SMYD3: variants seen among roughly 807,000 people sequenced by gnomAD.
The protein encoded by SMYD3 is histone-lysine N-methyltransferase SMYD3.
In SMYD3, 36 loss-of-function variants were observed where a neutral mutation model predicts 57.7. That is an observed-to-expected ratio of 0.62 (90% CI 0.48 to 0.82). The LOEUF is 0.82. Among genes scored for constraint, SMYD3 ranks in the 40% least tolerant of loss-of-function variants. The pLI, the probability that SMYD3 is intolerant of heterozygous loss-of-function variation, is 0.00. For synonymous variants in SMYD3, 211 were observed against 195.0 expected (o/e 1.08, Z -0.68); for missense variants, 515 against 538.8 (o/e 0.96, Z 0.44).
intron 5 of SMYD3, among the ~76,000 whole-genome samples, chr1:246,302,120 T>C (rs185705849): frequency 1.3e-5 from 2 of 152,178 alleles, no homozygotes; most frequent in Non-Finnish European, 2.9e-5. Context: ...CAATCACCAC[T>C]AATCTTGGGG....
Position 245,927,969 on chromosome 1 carries a change from A to G in SMYD3, c.664T>C (p.Leu222=). ...TCGATGTCTCGGACTGCTCGCAGTAAGAGGTGGGGCCCATTGAACACAATC... is the reference window on the plus strand; with the variant it reads ...TCGATGTCTCGGACTGCTCGCAGTAGGAGGTGGGGCCCATTGAACACAATC... The part of the protein sequence containing the change: ...CSIVFNGPHL[L]LRAVRDIEVG... Residue 222 remains leucine, a synonymous_variant, in exon 7 of 12, where the codon TTA becomes CTA. Coordinates refer to ENST00000490107, the MANE Select transcript of SMYD3 (RefSeq NM_001167740.2). 6.2e-7 allele frequency: 1 copy of G among 1,612,950 alleles called. No individual in the cohort carries two copies. The highest frequency in any genetic ancestry group is 8.5e-7 in the Non-Finnish European group (1 of 1,179,290).
chr1:246,476,149 G>A (rs906774912), intron 1 of SMYD3, among the ~76,000 whole-genome samples: 2 of 152,174 alleles, frequency 1.3e-5, no homozygotes, highest in African/African-American at 4.8e-5. Context: ...AGTATACAGT[G>A]TACTCTATAT....
At chr1:245,947,714 T>C (rs954500772) in intron 5 of SMYD3, among the ~76,000 whole-genome samples, 5 of 152,186 alleles carry the variant, frequency 3.3e-5, no homozygotes, top group African/African-American at 1.2e-4. Context: ...ATCATAATTA[T>C]TACCATAGTT....
intron 10 of SMYD3, among the ~76,000 whole-genome samples, chr1:245,821,141 A>G (rs34130819): frequency 0.13 from 19,065 of 149,878 alleles, 1,972 homozygotes; most frequent in East Asian, 0.28. Flanking sequence ...ACCTGACTTC[A>G]AACTATACTA....
At chr1:246,218,043 T>C (rs2148412582) in intron 5 of SMYD3, among the ~76,000 whole-genome samples, 1 of 152,070 alleles carries the variant, frequency 6.6e-6, no homozygotes, top group East Asian at 1.9e-4. Context: ...GGTACATTCA[T>C]AGAAAACAAT....
chr1:246,031,738 A>G (rs1038457216), intron 5 of SMYD3, among the ~76,000 whole-genome samples: 4 of 46,892 alleles, frequency 8.5e-5, no homozygotes, highest in African/African-American at 2.0e-4. Flanking sequence ...CTTTGTCTCG[A>G]AAAAAAAAAA....
At chr1:246,226,563 G>C (rs1380150805) in intron 5 of SMYD3, among the ~76,000 whole-genome samples, 3 of 152,126 alleles carry the variant, frequency 2.0e-5, no homozygotes, top group Non-Finnish European at 4.4e-5. Context: ...TTCTTCACTC[G>C]AGTCACTGCA....
chr1:246,481,577 G>C (rs539683827), intron 1 of SMYD3, among the ~76,000 whole-genome samples: 4 of 44,982 alleles, frequency 8.9e-5, no homozygotes, highest in Non-Finnish European at 2.0e-4. Flanking sequence ...AACGGATCAT[G>C]GGACTTCTCA....
At chr1:245,758,028 C>T (rs1249192838) in intron 11 of SMYD3, among the ~76,000 whole-genome samples, 2 of 152,126 alleles carry the variant, frequency 1.3e-5, no homozygotes, top group African/African-American at 2.4e-5. Flanking sequence ...ATATTGACAT[C>T]TTAATAATAC....
At chr1:246,373,901 G>T (rs1317533708) in intron 1 of SMYD3, among the ~76,000 whole-genome samples, 1 of 152,010 alleles carries the variant, frequency 6.6e-6, no homozygotes, top group African/African-American at 2.4e-5. Flanking sequence ...GAAATTAAAG[G>T]CTATTCCACA....
intron 5 of SMYD3, among the ~76,000 whole-genome samples, chr1:246,003,157 T>C (rs2059108987): frequency 1.3e-5 from 2 of 152,166 alleles, no homozygotes; most frequent in African/African-American, 4.8e-5. Context: ...CAAGTGAAGA[T>C]GTGTAGGCAC....
chr1:245,837,073 G>A (rs1013270611), intron 10 of SMYD3, among the ~76,000 whole-genome samples: 1 of 152,102 alleles, frequency 6.6e-6, no homozygotes, highest in Non-Finnish European at 1.5e-5. Flanking sequence ...GTTGGGCGCA[G>A]TGGCAGCACT....
intron 5 of SMYD3, among the ~76,000 whole-genome samples, chr1:246,064,421 G>A (rs543602831): frequency 6.6e-6 from 1 of 152,128 alleles, no homozygotes; most frequent in South Asian, 2.1e-4. Context: ...ACTTTGTTCT[G>A]GCTACTTGTC....
intron 1 of SMYD3, among the ~76,000 whole-genome samples, chr1:246,404,974 C>A (rs1240576178): frequency 2.0e-5 from 3 of 151,974 alleles, no homozygotes; most frequent in Admixed American, 6.6e-5. Context: ...TTTTTTTAGA[C>A]GGGATCTTAC....
chr1:246,013,878 T>C (rs2148202241), intron 5 of SMYD3, among the ~76,000 whole-genome samples: 1 of 152,308 alleles, frequency 6.6e-6, no homozygotes, highest in South Asian at 2.1e-4. Flanking sequence ...GTTGGACAAG[T>C]ACCCTCAAGA....
intron 1 of SMYD3, among the ~76,000 whole-genome samples, chr1:246,472,790 C>T (rs1301387609): frequency 6.6e-6 from 1 of 151,960 alleles, no homozygotes; most frequent in Non-Finnish European, 1.5e-5. Flanking sequence ...TTCTCCTGCT[C>T]CCCAAGGCAA....
At chr1:245,833,338 A>C (rs566951143) in intron 10 of SMYD3, among the ~76,000 whole-genome samples, 1 of 152,276 alleles carries the variant, frequency 6.6e-6, no homozygotes, top group South Asian at 2.1e-4. Context: ...TTCTGTTCTG[A>C]CAACAATGCA....
At chr1:246,460,160 T>G (rs774453621) in intron 1 of SMYD3, among the ~76,000 whole-genome samples, 1 of 152,250 alleles carries the variant, frequency 6.6e-6, no homozygotes, top group Non-Finnish European at 1.5e-5. Flanking sequence ...CAACCATAAG[T>G]ACCACAGTGC....
intron 2 of SMYD3, among the ~76,000 whole-genome samples, chr1:246,339,340 A>G (rs1164784074): frequency 6.6e-6 from 1 of 152,158 alleles, no homozygotes; most frequent in Non-Finnish European, 1.5e-5. Flanking sequence ...AATACATATT[A>G]TTTTATCATA....
Sources: allele counts gnomAD v4.1 joint callset (sites outside exome capture counted in the v4.1 genomes callset), GRCh38; gene constraint gnomAD v4.1.1; transcripts MANE v1.5; gene names NCBI Gene and HGNC (gene_info 2026-07-23, HGNC 2026-07-21).